The following FRMD6 variants were observed in gnomAD, a reference collection of about 807,000 sequenced individuals.
The protein encoded by FRMD6 is FERM domain containing 6.
Under a neutral mutation model 73.2 loss-of-function variants are expected in FRMD6, and 37 were observed. The observed-to-expected ratio is 0.51, with a 90% CI of 0.39 to 0.66. FRMD6 has a LOEUF of 0.66. Ranked by LOEUF, FRMD6 falls within the 30% of genes least tolerant of loss-of-function variation. FRMD6 has a pLI of 0.00. For missense variants in FRMD6, 714 were observed against 780.5 expected (o/e 0.91, Z 1.02); for synonymous variants, 273 against 282.2 (o/e 0.97, Z 0.33).
chr14:51,576,436 T>C (rs1888407601), intron 2 of FRMD6, among the ~76,000 whole-genome samples: 1 of 152,220 alleles, frequency 6.6e-6, no homozygotes, highest in Non-Finnish European at 1.5e-5. Context: ...CAGTTCACGC[T>C]GACTGAAACC....
chr14:51,575,173 A>G (rs1888335564), intron 2 of FRMD6, among the ~76,000 whole-genome samples: 1 of 152,214 alleles, frequency 6.6e-6, no homozygotes. Context: ...ATTGCTGAGA[A>G]TGGCTTAAAT....
At chr14:51,700,154 C>T (rs1212338417) in intron 3 of FRMD6, among the ~76,000 whole-genome samples, 1 of 151,872 alleles carries the variant, frequency 6.6e-6, no homozygotes, top group African/African-American at 2.4e-5. Context: ...CATTTTTATG[C>T]AGAGCTTTCC....
At chr14:51,427,321 T>A in the FRMD6 span, among the ~76,000 whole-genome samples, 1 of 152,248 alleles carries the variant, frequency 6.6e-6, no homozygotes, top group Non-Finnish European at 1.5e-5. Flanking sequence ...CATTATTTAT[T>A]TGGCATATGC....
At chr14:51,412,492 G>T in the FRMD6 span, among the ~76,000 whole-genome samples, 1 of 151,922 alleles carries the variant, frequency 6.6e-6, no homozygotes, top group African/African-American at 2.4e-5. Context: ...ATGTAAGAGA[G>T]GGGGAGGGAA....
chr14:51,700,486 G>T (rs550102636), intron 3 of FRMD6, among the ~76,000 whole-genome samples: 1 of 152,140 alleles, frequency 6.6e-6, no homozygotes, highest in East Asian at 1.9e-4. Flanking sequence ...GGCAGTGCGA[G>T]TAAGGGTTTA....
chr14:51,498,371 G>A (rs1178734055), intron 1 of FRMD6, among the ~76,000 whole-genome samples: 1 of 152,038 alleles, frequency 6.6e-6, no homozygotes, highest in African/African-American at 2.4e-5. Flanking sequence ...CAAAGCCAAT[G>A]CCACATATTT....
At chr14:51,509,700 C>T (rs1884185031) in intron 1 of FRMD6, among the ~76,000 whole-genome samples, 1 of 151,902 alleles carries the variant, frequency 6.6e-6, no homozygotes, top group Non-Finnish European at 1.5e-5. Flanking sequence ...GATCTCGGCT[C>T]ACTACAACCT....
At chr14:51,550,398 A>G (rs1305650590) in intron 1 of FRMD6, among the ~76,000 whole-genome samples, 1 of 152,106 alleles carries the variant, frequency 6.6e-6, no homozygotes, top group Non-Finnish European at 1.5e-5. Flanking sequence ...ATTTTATTGC[A>G]TTCAATGAAT....
chr14:51,725,236 C>T (rs893783030), intron 12 of FRMD6, among the ~76,000 whole-genome samples: 1 of 152,156 alleles, frequency 6.6e-6, no homozygotes, highest in Non-Finnish European at 1.5e-5. Context: ...GAGACTGAGA[C>T]ACTGGGAGGC....
At chr14:51,691,745 C>T (rs1895595609) in intron 2 of FRMD6, among the ~76,000 whole-genome samples, 1 of 151,722 alleles carries the variant, frequency 6.6e-6, no homozygotes, top group South Asian at 2.1e-4. Context: ...CAGGTGCCTG[C>T]CACCACACCT....
At chr14:51,660,613 G>GAAAAAAAAAAAAAAA (rs10605746) in intron 1 of FRMD6, among the ~76,000 whole-genome samples, 1 of 139,568 alleles carries the variant, frequency 7.2e-6, no homozygotes, top group Non-Finnish European at 1.5e-5. Context: ...TAAAATAAAG[G>GAAAAAAAAAAAAAAA]AAAAAAAAAA....
At chr14:51,623,656 C>T (rs564530692) in intron 2 of FRMD6, among the ~76,000 whole-genome samples, 2 of 152,290 alleles carry the variant, frequency 1.3e-5, no homozygotes, top group East Asian at 3.9e-4. Context: ...CCTTTCTAAC[C>T]ACTGCTGCCC....
intron 2 of FRMD6, among the ~76,000 whole-genome samples, chr14:51,588,704 A>G (rs891796927): frequency 8.5e-5 from 13 of 152,294 alleles, no homozygotes; most frequent in African/African-American, 2.9e-4. Context: ...GCCACCATCT[A>G]TGCCTAACAG....
intron 2 of FRMD6, among the ~76,000 whole-genome samples, chr14:51,581,457 C>A (rs1888718964): frequency 6.6e-6 from 1 of 152,170 alleles, no homozygotes; most frequent in African/African-American, 2.4e-5. Flanking sequence ...TATAATCATT[C>A]TCCTCTTTCT....
the FRMD6 span, among the ~76,000 whole-genome samples, chr14:51,474,518 T>C: frequency 6.6e-6 from 1 of 151,974 alleles, no homozygotes; most frequent in Non-Finnish European, 1.5e-5. Flanking sequence ...GGCACAGTGG[T>C]CTTGAATTTG....
intron 2 of FRMD6, among the ~76,000 whole-genome samples, chr14:51,576,662 C>T (rs2139630283): frequency 6.6e-6 from 1 of 152,262 alleles, no homozygotes; most frequent in African/African-American, 2.4e-5. Flanking sequence ...CATGTTATCC[C>T]TTGACCCATT....
intron 3 of FRMD6, among the ~76,000 whole-genome samples, chr14:51,700,177 C>G (rs1323856262): frequency 4.6e-5 from 7 of 151,878 alleles, no homozygotes; most frequent in African/African-American, 1.7e-4. Flanking sequence ...GAAGATGTCT[C>G]CTTAGTGATA....
intron 1 of FRMD6, among the ~76,000 whole-genome samples, chr14:51,549,689 A>G (rs559402753): frequency 1.6e-4 from 22 of 133,702 alleles, no homozygotes; most frequent in African/African-American, 3.1e-4. Context: ...TCCGCCCCCC[A>G]GGTTCACGCC....
chr14:51,567,112 C>T (rs562126928), intron 1 of FRMD6, among the ~76,000 whole-genome samples: 5 of 152,258 alleles, frequency 3.3e-5, no homozygotes, highest in Middle Eastern at 3.4e-3. Flanking sequence ...TACTCAGCTC[C>T]GGTTCATGCA....
Sources: gnomAD v4.1 joint callset for allele counts (sites outside exome capture counted in the v4.1 genomes callset) on GRCh38, gnomAD v4.1.1 for gene constraint, MANE v1.5 for transcripts, NCBI Gene and HGNC (gene_info 2026-07-23, HGNC 2026-07-21) for gene names.